Variants in GREM1 observed in about 807,000 individuals in gnomAD.
The protein encoded by GREM1 is gremlin-1.
Under a neutral mutation model 13.1 loss-of-function variants are expected in GREM1, and 6 were observed. That is an observed-to-expected ratio of 0.46 (90% CI 0.25 to 0.91). The LOEUF is 0.91. Ranked by LOEUF, GREM1 falls within the 40% of genes least tolerant of loss-of-function variation. The probability of loss-of-function intolerance (pLI) is 0.18; values close to 1 mark genes in which losing one functional copy is unlikely to be tolerated. For synonymous variants in GREM1, 98 were observed against 93.7 expected (o/e 1.05, Z -0.27); for missense variants, 185 against 233.9 (o/e 0.79, Z 1.36).
At chr15:32,724,652 A>C (rs948262346) in intron 1 of GREM1, among the ~76,000 whole-genome samples, 1 of 148,514 alleles carries the variant, frequency 6.7e-6, no homozygotes, top group Non-Finnish European at 1.5e-5. Context: ...TTTTCTTTTT[A>C]TAATACTTTA....
At chr15:32,730,132 C>T (rs564182798) in intron 1 of GREM1, among the ~76,000 whole-genome samples, 8 of 152,188 alleles carry the variant, frequency 5.3e-5, no homozygotes, top group Middle Eastern at 3.2e-3. Context: ...ACCAGGAGCG[C>T]GACCTTTCCT....
Position 32,744,995 on chromosome 15 carries a change from A to G in GREM1, c.*13750A>G, listed in dbSNP as rs1190819829. 1 of 152,138 alleles carries G rather than the reference A, an allele frequency of 6.6e-6. No individual in the cohort carries two copies. The highest frequency in any genetic ancestry group is 2.4e-5 in the African/African-American group (1 of 41,442). The allele number at this position is 152,138 out of a possible 1,614,324, so 9.4% of individuals were successfully genotyped here. A position where few individuals can be genotyped will look rare whatever the true frequency, so the allele number is the denominator to read the frequency against. Reference sequence around the variant, plus strand: ...AACAAAATGTACTTTGACACACATCATTTTGTTTGGTTCTCATTAATTTTG... The same window carrying G: ...AACAAAATGTACTTTGACACACATCGTTTTGTTTGGTTCTCATTAATTTTG... On this transcript the variant is annotated 3_prime_UTR_variant, in exon 2 of 2. Transcript: ENST00000651154.
intron 1 of GREM1, among the ~76,000 whole-genome samples, chr15:32,724,060 A>G (rs370989910): frequency 2.0e-5 from 3 of 152,240 alleles, no homozygotes; most frequent in Non-Finnish European, 4.4e-5. Flanking sequence ...CCAAATTTTT[A>G]TAAGCACCTG....
rs1567117510 is a variant in GREM1, at chr15:32,738,117, A to AC, written c.*6872_*6873insC. ...AAAAAAAAAAAAAAAAAAAAAAAAA[A>AC]AAAAAAAAAAAAAAAAGAAAAGAAA... On this transcript the variant is annotated 3_prime_UTR_variant, in exon 2 of 2. Transcript: ENST00000651154. 2.3e-5 allele frequency: 3 copies of AC among 130,528 alleles called. No individual in the cohort carries two copies. The Admixed American group carries it at 2.4e-4, about 11-fold the overall frequency. The allele number at this position is 130,528 out of a possible 1,614,324, so 8.1% of individuals were successfully genotyped here.
chr15:32,721,941 A>G (rs2055416198), intron 1 of GREM1, among the ~76,000 whole-genome samples: 2 of 152,228 alleles, frequency 1.3e-5, no homozygotes, highest in South Asian at 4.1e-4. Flanking sequence ...TGACAAACAT[A>G]GAGCTCCTGA....
At position 32,736,704 on chromosome 15, in the gene GREM1, A is replaced by T. The variant is rs143712646; in HGVS notation, c.*5459A>T. 5 of 152,334 alleles carry T rather than the reference A, an allele frequency of 3.3e-5. No individual in the cohort carries two copies. In the East Asian group the frequency reaches 7.7e-4, roughly 23 times the overall value. The allele number at this position is 152,334 out of a possible 1,614,324, so 9.4% of individuals were successfully genotyped here. A position where few individuals can be genotyped will look rare whatever the true frequency, so the allele number is the denominator to read the frequency against. Reference sequence around the variant, plus strand: ...ACACACAACAAAAAATACAGACTTTACAGAATTAGTTCAGAAAAGTCATTA... The same window carrying T: ...ACACACAACAAAAAATACAGACTTTTCAGAATTAGTTCAGAAAAGTCATTA... On this transcript the variant is annotated 3_prime_UTR_variant, in exon 2 of 2. Coordinates refer to ENST00000651154, the MANE Select transcript of GREM1 (RefSeq NM_013372.7).
At position 32,738,960 on chromosome 15, in the gene GREM1, AAAC is replaced by A. The variant is rs2055738312; in HGVS notation, c.*7721_*7723del. ...TAAGTCTCTGTCTCAAAAACAAAACAAACAACAAAAATACTGAAAGCTTTCCCC... is the reference window on the plus strand; with the variant it reads ...TAAGTCTCTGTCTCAAAAACAAAACAAACAAAAATACTGAAAGCTTTCCCC... On this transcript the variant is annotated 3_prime_UTR_variant, in exon 2 of 2. Transcript: ENST00000651154. The A allele has an allele frequency of 1.3e-5, 2 of 152,182 alleles. No homozygotes were observed. The highest frequency in any genetic ancestry group is 1.3e-4 in the Admixed American group (2 of 15,278). 9.4% of individuals were successfully genotyped at this position (152,182 alleles called of 1,614,324 possible).
chr15:32,718,289 G>A (rs1296390850), intron 1 of GREM1, 128 bp downstream of exon 1: 1 of 694,982 alleles, frequency 1.4e-6, no homozygotes, highest in South Asian at 1.5e-5. Flanking sequence ...CGTTGTTCGC[G>A]GGGGTGAATT....
chr15:32,723,086 T>G (rs1280790620), intron 1 of GREM1, among the ~76,000 whole-genome samples: 1 of 152,204 alleles, frequency 6.6e-6, no homozygotes, highest in African/African-American at 2.4e-5. Context: ...AATGATGTCA[T>G]AGGAACCTAA....
At position 32,734,186 on chromosome 15, in the gene GREM1, A is replaced by G. The variant is rs2055667281; in HGVS notation, c.*2941A>G. The G allele has an allele frequency of 4.1e-6, 1 of 241,008 alleles. No homozygotes were observed. Among genetic ancestry groups the G allele is most frequent in the South Asian group, 1.8e-4 (1 of 5,474 alleles). 14.9% of individuals were successfully genotyped at this position (241,008 alleles called of 1,614,324 possible). The stretch of plus-strand genomic sequence containing the variant: ...TTCCTGAGTCAGTGCCTGAATCTTT[A>G]TTTTTTAAATTGAATGTTCCTTAAA... On this transcript the variant is annotated 3_prime_UTR_variant, in exon 2 of 2. Transcript: ENST00000651154.
chr15:32,744,565 T>C lies in GREM1; in HGVS notation c.*13320T>C, dbSNP rs1041620698. ...TCCAGCCTGGGCGACAGAGTGAGAC[T>C]CAGCTTCAAAAAAAAAAAAAAAAAA... On this transcript the variant is annotated 3_prime_UTR_variant, in exon 2 of 2. Coordinates refer to ENST00000651154, the MANE Select transcript of GREM1 (RefSeq NM_013372.7). 1.5e-5 allele frequency: 2 copies of C among 129,166 alleles called. No homozygotes were observed. Among genetic ancestry groups the C allele is most frequent in the African/African-American group, 5.9e-5 (2 of 33,676 alleles). The allele number at this position is 129,166 out of a possible 1,614,324, so 8.0% of individuals were successfully genotyped here. A position where few individuals can be genotyped will look rare whatever the true frequency, so the allele number is the denominator to read the frequency against.
At chr15:32,722,787 A>T (rs1386377715) in intron 1 of GREM1, among the ~76,000 whole-genome samples, 2 of 152,140 alleles carry the variant, frequency 1.3e-5, no homozygotes, top group African/African-American at 4.8e-5. Flanking sequence ...AGGCAAAGAG[A>T]AAAAAAGGTG....
rs2055727951 is a variant in GREM1, at chr15:32,738,125, AAAAAAAAAG to A, written c.*6885_*6893del. On this transcript the variant is annotated 3_prime_UTR_variant, in exon 2 of 2. Transcript: ENST00000651154. ...AAAAAAAAAAAAAAAAAAAAAAAAAAAAAAAAAAGAAAAGAAAAAAGTCATCCAGATTGG... is the reference window on the plus strand; with the variant it reads ...AAAAAAAAAAAAAAAAAAAAAAAAAAAAAAGAAAAAAGTCATCCAGATTGG... 7.2e-5 allele frequency: 2 copies of A among 27,966 alleles called. No homozygotes were observed. Among genetic ancestry groups the A allele is most frequent in the East Asian group, 1.9e-3 (1 of 524 alleles). 1.7% of individuals were successfully genotyped at this position (27,966 alleles called of 1,614,324 possible). A position where few individuals can be genotyped will look rare whatever the true frequency, so the allele number is the denominator to read the frequency against.
chr15:32,724,110 C>T (rs574693633), intron 1 of GREM1, among the ~76,000 whole-genome samples: 1 of 152,332 alleles, frequency 6.6e-6, no homozygotes, highest in South Asian at 2.1e-4. Flanking sequence ...TGAATAAGCC[C>T]TCATCAACTG....
intron 1 of GREM1, chr15:32,719,116 C>G (rs1398464021): frequency 6.5e-6 from 1 of 153,944 alleles, no homozygotes; most frequent in African/African-American, 2.4e-5. Flanking sequence ...CGTTCTCTCT[C>G]GCTGCCTGGC....
rs1324858292 is a variant in GREM1, at chr15:32,718,075, C to T, written c.-88C>T. 6 of 1,217,662 alleles carry T rather than the reference C, an allele frequency of 4.9e-6. No individual in the cohort carries two copies. Among genetic ancestry groups the T allele is most frequent in the East Asian group, 8.4e-5 (2 of 23,684 alleles). The allele number at this position is 1,217,662 out of a possible 1,614,324, so 75.4% of individuals were successfully genotyped here. Reference sequence around the variant, plus strand: ...GCGTCACTCTCGGTCCCGCTGACCCCGCGCCGAGCCCCGGCGGCTCTGGCC... The same window carrying T: ...GCGTCACTCTCGGTCCCGCTGACCCTGCGCCGAGCCCCGGCGGCTCTGGCC... On this transcript the variant is annotated 5_prime_UTR_variant, in exon 1 of 2. Coordinates refer to ENST00000651154, the MANE Select transcript of GREM1 (RefSeq NM_013372.7).
intron 1 of GREM1, among the ~76,000 whole-genome samples, chr15:32,719,471 C>G (rs2055367218): frequency 6.6e-6 from 1 of 152,200 alleles, no homozygotes; most frequent in Non-Finnish European, 1.5e-5. Flanking sequence ...ACTGCCTTCC[C>G]CTCCTCGACC....
chr15:32,729,124 C>G (rs1039920234), intron 1 of GREM1, among the ~76,000 whole-genome samples: 3 of 151,822 alleles, frequency 2.0e-5, no homozygotes, highest in Admixed American at 2.0e-4. Context: ...CCCGGGTTCA[C>G]GCCATTCTCC....
intron 1 of GREM1, chr15:32,718,924 C>T (rs545253852): frequency 5.8e-4 from 109 of 188,700 alleles, no homozygotes; most frequent in African/African-American, 2.5e-3. Flanking sequence ...CGCGCACGCC[C>T]GGGCTGAATG....
Sources: gnomAD v4.1 joint callset for allele counts (sites outside exome capture counted in the v4.1 genomes callset) on GRCh38, gnomAD v4.1.1 for gene constraint, MANE v1.5 for transcripts, NCBI Gene and HGNC (gene_info 2026-07-23, HGNC 2026-07-21) for gene names.